TTLL4: variants seen among roughly 807,000 people sequenced by gnomAD.
TTLL4 encodes the protein tubulin tyrosine ligase like 4.
In TTLL4, 85 loss-of-function variants were observed where a neutral mutation model predicts 122.7. That is an observed-to-expected ratio of 0.69 (90% CI 0.58 to 0.83). The LOEUF (loss-of-function observed/expected upper bound fraction) is 0.83. Ranked by LOEUF, TTLL4 falls within the 40% of genes least tolerant of loss-of-function variation. TTLL4 has a pLI of 0.00. For synonymous variants in TTLL4, 553 were observed against 563.0 expected (o/e 0.98, Z 0.25); for missense variants, 1,363 against 1,488.6 (o/e 0.92, Z 1.39).
rs1942874155 is a variant in TTLL4 at position 218,747,381 on chromosome 2, G to A, written c.2249+9G>A. 7 of 1,613,906 alleles carry A rather than the reference G, an allele frequency of 4.3e-6. No individual in the cohort carries two copies. The highest frequency in any genetic ancestry group is 5.9e-6 in the Non-Finnish European group (7 of 1,179,972). ...CCCCTCCTGGTACAGAGGTGAGCCT[G>A]TAGCACATATCCCTTACCCCATCCT... On this transcript the variant is annotated intron_variant, in intron 10 of 19. Transcript: ENST00000392102. This position sits in a 1 kb window ranked among gnomAD's most constrained non-coding sequence, Gnocchi z 4.7.
At position 218,750,035 on chromosome 2, in the gene TTLL4, T is replaced by C. The variant is rs1282786251; in HGVS notation, c.2762T>C (p.Ile921Thr). The change falls in exon 15 of 20, where the codon ATC becomes ACC. Residue 921 changes from isoleucine to threonine, a missense_variant. Ile to Thr is a moderately conservative substitution (Grantham distance 89). This residue lies in a region of TTLL4 where 596 missense variants were observed against 655.8 expected (regional missense o/e 0.91). Coordinates refer to ENST00000392102, the MANE Select transcript of TTLL4 (RefSeq NM_014640.5). ...PSLHSSSPLDISIKGQMIRDL... is the reference protein window; with the variant it reads ...PSLHSSSPLDTSIKGQMIRDL... ...CTCCACTCCAGCTCTCCACTGGATA[T>C]CAGCATCAAAGGCCAGATGATTCGT... 1 of 1,614,132 alleles carries C rather than the reference T, an allele frequency of 6.2e-7. No individual in the cohort carries two copies. The highest frequency in any genetic ancestry group is 8.5e-7 in the Non-Finnish European group (1 of 1,179,992).
Position 218,754,293 on chromosome 2 carries a change from G to A in TTLL4, c.3504G>A (p.Thr1168=), listed in dbSNP as rs115517150. 8.5e-4 allele frequency: 1,376 copies of A among 1,614,152 alleles called. 6 individuals carry two copies. In the African/African-American group the frequency reaches 9.4e-3, roughly 11 times the overall value. The change falls in exon 20 of 20, where the codon ACG becomes ACA. Residue 1168 remains threonine (T), a synonymous_variant. Coordinates refer to ENST00000392102, the MANE Select transcript of TTLL4 (RefSeq NM_014640.5). ...AAGAGCCCAGCCTTTCTACCCAGAC[G>A]TTACCTGTGATCAAGTGCTCTGGGC... is the stretch of plus-strand genomic sequence containing the variant. ...TSKEPSLSTQ[T]LPVIKCSGQT... is the part of the protein sequence containing the mutation.
chr2:218,752,769 T>C lies in TTLL4; in HGVS notation c.2983T>C (p.Tyr995His), dbSNP rs760563453. 3 of 1,614,206 alleles carry C rather than the reference T, an allele frequency of 1.9e-6. No individual in the cohort carries two copies. Among genetic ancestry groups the C allele is most frequent in the African/African-American group, 1.3e-5 (1 of 75,064 alleles). The change falls in exon 17 of 20, where the codon TAT becomes CAT. Residue 995 changes from tyrosine to histidine, a missense_variant. Physicochemically the swap from Tyr to His is moderately conservative, Grantham distance 83. Around this residue, in one of 3 missense-constraint regions of TTLL4, gnomAD observed 596 missense variants for 655.8 expected, o/e 0.91. Coordinates refer to ENST00000392102, the MANE Select transcript of TTLL4 (RefSeq NM_014640.5). ...LTQKIPDQDF[Y>H]ASVLDVLTPD... is the part of the protein sequence containing the mutation. ...CCTGTTCCTTGGACCACAGGACTTC[T>C]ATGCATCTGTGCTGGATGTCCTGAC... is the stretch of plus-strand genomic sequence containing the variant.
chr2:218,725,122 G>A (rs1482674268), intron 1 of TTLL4, among the ~76,000 whole-genome samples: 2 of 152,052 alleles, frequency 1.3e-5, no homozygotes, highest in African/African-American at 4.8e-5. Context: ...TCCCAGGCTG[G>A]TCTTGAACTC....
chr2:218,745,887 C>T, intron 7 of TTLL4, 86 bp downstream of exon 7: 1 of 1,279,560 alleles, frequency 7.8e-7, no homozygotes. Flanking sequence ...ACACCTCGTG[C>T]CTATGTCGGG....
intron 19 of TTLL4, 138 bp from the exon 20 acceptor site, chr2:218,753,996 G>T: frequency 2.3e-6 from 3 of 1,279,196 alleles, no homozygotes; most frequent in Admixed American, 4.4e-5. Context: ...TTTTTTTATG[G>T]TTATTACATT....
intron 5 of TTLL4, among the ~76,000 whole-genome samples, chr2:218,742,641 A>T (rs539292006): frequency 5.9e-5 from 9 of 152,320 alleles, no homozygotes; most frequent in African/African-American, 2.2e-4. Context: ...GACAACTCAC[A>T]AGGGTTTTTT....
At chr2:218,730,595 C>T (rs1443738370) in intron 2 of TTLL4, among the ~76,000 whole-genome samples, 2 of 152,134 alleles carry the variant, frequency 1.3e-5, no homozygotes, top group Non-Finnish European at 2.9e-5. Flanking sequence ...AGAGGAAAAG[C>T]ATCTCATAAT....
intron 1 of TTLL4, among the ~76,000 whole-genome samples, chr2:218,717,641 A>G (rs1941903868): frequency 6.6e-6 from 1 of 152,144 alleles, no homozygotes; most frequent in Admixed American, 6.5e-5. Flanking sequence ...ACTAGGCTGT[A>G]TTCTTGACCT....
intron 12 of TTLL4, 166 bp downstream of exon 12, chr2:218,748,393 G>C: frequency 8.8e-7 from 1 of 1,141,840 alleles, no homozygotes; most frequent in Non-Finnish European, 1.2e-6. Flanking sequence ...GGTGGCTCAC[G>C]CCTGTAATCC....
intron 1 of TTLL4, among the ~76,000 whole-genome samples, chr2:218,726,386 G>A (rs1267681946): frequency 6.6e-6 from 1 of 152,154 alleles, no homozygotes; most frequent in Non-Finnish European, 1.5e-5. Flanking sequence ...AGTCTTATTT[G>A]GGTTGAATCT....
intron 12 of TTLL4, 132 bp from the exon 13 acceptor site, chr2:218,748,704 C>T: frequency 1.8e-6 from 1 of 560,340 alleles, no homozygotes; most frequent in Non-Finnish European, 3.1e-6. Flanking sequence ...CCAAGTTCAT[C>T]TCTTTCATAA....
Position 218,738,834 on chromosome 2 carries a change from G to A in TTLL4, c.1158G>A (p.Gln386=), listed in dbSNP as rs149134733. The A allele has an allele frequency of 1.9e-6, 3 of 1,614,210 alleles. No homozygotes were observed. In the East Asian group the frequency reaches 6.7e-5, roughly 36 times the overall value. The change falls in exon 3 of 20, where the codon CAG becomes CAA. Residue 386 remains glutamine (Q), a synonymous_variant. Transcript: ENST00000392102. ...SRRWKPPAVN[Q]QFPQEDAGSV... is the part of the protein sequence containing the mutation. Reference sequence around the variant, plus strand: ...GGTGGAAACCTCCTGCGGTAAATCAGCAGTTTCCTCAGGAGGATGCTGGAT... The same window carrying A: ...GGTGGAAACCTCCTGCGGTAAATCAACAGTTTCCTCAGGAGGATGCTGGAT...
intron 5 of TTLL4, among the ~76,000 whole-genome samples, chr2:218,743,042 G>A (rs972617157): frequency 2.0e-4 from 30 of 152,098 alleles, no homozygotes; most frequent in Non-Finnish European, 3.8e-4. Flanking sequence ...TACTCGGGAG[G>A]CTGAGGCAGG....
intron 2 of TTLL4, among the ~76,000 whole-genome samples, chr2:218,737,333 C>T (rs1474447546): frequency 1.3e-5 from 2 of 152,120 alleles, no homozygotes; most frequent in Non-Finnish European, 2.9e-5. Context: ...AGCAGCTTCA[C>T]AGTGGTGGTG....
chr2:218,711,349 C>G (rs1196885188), intron 1 of TTLL4, among the ~76,000 whole-genome samples: 1 of 152,194 alleles, frequency 6.6e-6, no homozygotes, highest in Admixed American at 6.5e-5. Flanking sequence ...CTTCCTCTGT[C>G]CTGCCGCGCT....
chr2:218,722,270 G>T (rs151186313), intron 1 of TTLL4, among the ~76,000 whole-genome samples: 337 of 151,592 alleles, frequency 2.2e-3, no homozygotes, highest in Non-Finnish European at 3.7e-3. Context: ...TAAAATTGTA[G>T]GAAAAGGTAT....
In TTLL4 at chr2:218,745,710, A is replaced by G. The variant is rs586194; in HGVS notation, c.1806A>G (p.Glu602=). Reference sequence around the variant, plus strand: ...TCCCAGTGGAGAAACTTCCCTGGGAACAGAGGAAGTTGCTCCGATGGAAGA... The same window carrying G: ...TCCCAGTGGAGAAACTTCCCTGGGAGCAGAGGAAGTTGCTCCGATGGAAGA... ...RDERVEKLPW[E]QRKLLRWKMS... Residue 602 remains glutamate, a synonymous_variant, in exon 7 of 20, where the codon GAA becomes GAG. Transcript: ENST00000392102. 774,362 of 1,609,404 alleles carry G rather than the reference A, an allele frequency of 0.48. 196,304 individuals are homozygous for G. Among genetic ancestry groups the G allele is most frequent in the African/African-American group, 0.86 (64,559 of 74,656 alleles).
Position 218,723,387 on chromosome 2 carries a change from C to G in TTLL4, c.-177-3882C>G, listed in dbSNP as rs563590579. Among the ~76,000 whole-genome samples, 5 of 152,300 alleles carry G rather than the reference C, an allele frequency of 3.3e-5. No individual in the cohort carries two copies. The East Asian group carries it at 9.6e-4, about 29-fold the overall frequency. On this transcript the variant is annotated intron_variant, in intron 1 of 19. Transcript: ENST00000392102. ...CAGAATCACATTTAAATAGCATTTT[C>G]CCTCTAAGTATTGGAGACCTCCTAC...
Sources: gnomAD v4.1 joint callset for allele counts (sites outside exome capture counted in the v4.1 genomes callset) on GRCh38, gnomAD v4.1.1 for gene constraint, gnomAD v4.1.1 regional missense constraint, Gnocchi (gnomAD v3.1) non-coding constraint, MANE v1.5 for transcripts, NCBI Gene and HGNC (gene_info 2026-07-23, HGNC 2026-07-21) for gene names.